The following VPS13A variants were observed in gnomAD, a reference collection of about 807,000 sequenced individuals.
The protein encoded by VPS13A is vacuolar protein sorting 13 homolog A.
VPS13A carries 264 observed loss-of-function variants against 390.9 expected under a neutral mutation model. That is an observed-to-expected ratio of 0.68 (90% CI 0.61 to 0.75). The LOEUF (loss-of-function observed/expected upper bound fraction) is 0.75, where lower values mean the gene tolerates loss of function less well. Ranked by LOEUF, VPS13A falls within the 30% of genes least tolerant of loss-of-function variation. The pLI is 0.00. For missense variants in VPS13A, 3,409 were observed against 3,733.9 expected, an observed-to-expected ratio of 0.91 and a Z score of 2.27; for synonymous variants, 1,231 against 1,227.1, an observed-to-expected ratio of 1.00 and a Z score of -0.07.
rs1348480594 is a variant in VPS13A at position 77,381,959 on chromosome 9, T to C, written c.9078-17T>C. On this transcript the variant is annotated splice_polypyrimidine_tract_variant and intron_variant, in intron 67 of 71. Coordinates refer to ENST00000360280, the MANE Select transcript of VPS13A (RefSeq NM_033305.3). ...TTGAATAATTTTTAAAATAAAGTTA[T>C]ATTTTTTTTCCTCTAGAGCTACAGA... 3 of 1,534,986 alleles carry C rather than the reference T, an allele frequency of 2.0e-6. No individual in the cohort carries two copies. Among genetic ancestry groups the C allele is most frequent in the East Asian group, 4.5e-5 (2 of 43,974 alleles).
At chr9:77,217,789 T>G (rs539677747) in intron 10 of VPS13A, among the ~76,000 whole-genome samples, 1 of 151,772 alleles carries the variant, frequency 6.6e-6, no homozygotes, top group Non-Finnish European at 1.5e-5. Context: ...TTTTCTTTTT[T>G]TTTTTTGGAT....
chr9:77,395,972 A>C (rs1285930497), intron 68 of VPS13A: 1 of 152,226 alleles, frequency 6.6e-6, no homozygotes, highest in Non-Finnish European at 1.5e-5. Context: ...TGAATTATAC[A>C]GTATTTTAAA....
In VPS13A at chr9:77,234,095, T is replaced by C. The variant is rs549819866; in HGVS notation, c.1596-3907T>C. 2.6e-5 allele frequency among the ~76,000 whole-genome samples: 4 copies of C among 152,334 alleles called. No homozygotes were observed. The South Asian group carries it at 8.3e-4, about 32-fold the overall frequency. On this transcript the variant is annotated intron_variant, in intron 17 of 71. Coordinates refer to ENST00000360280, the MANE Select transcript of VPS13A (RefSeq NM_033305.3). The stretch of plus-strand genomic sequence containing the variant: ...TAAATGTTTATAATTGTTGTATCTT[T>C]GATGAATTGAGCCTTTTAATCAAAC...
chr9:77,206,625 T>C (rs887075875), intron 5 of VPS13A, among the ~76,000 whole-genome samples: 1 of 152,130 alleles, frequency 6.6e-6, no homozygotes, highest in African/African-American at 2.4e-5. Flanking sequence ...AGAAATCTAA[T>C]TCCTTTTCAC....
chr9:77,359,189 G>A, intron 57 of VPS13A, 144 bp from the exon 58 acceptor site: 1 of 694,118 alleles, frequency 1.4e-6, no homozygotes, highest in South Asian at 1.8e-5. Context: ...TAAGATTGTA[G>A]TAGATTTTGC....
At chr9:77,288,736 G>T (rs993707323) in intron 31 of VPS13A, among the ~76,000 whole-genome samples, 5 of 152,124 alleles carry the variant, frequency 3.3e-5, no homozygotes, top group Non-Finnish European at 4.4e-5. Flanking sequence ...TATGTGTTTT[G>T]CTGGGTTGAA....
At chr9:77,329,109 T>G (rs943643953) in intron 45 of VPS13A, among the ~76,000 whole-genome samples, 6 of 152,170 alleles carry the variant, frequency 3.9e-5, no homozygotes, top group Non-Finnish European at 7.3e-5. Flanking sequence ...CTCCACCTGG[T>G]TTCTCCCTTG....
intron 24 of VPS13A, among the ~76,000 whole-genome samples, chr9:77,273,724 T>C (rs1826485095): frequency 6.6e-6 from 1 of 152,204 alleles, no homozygotes; most frequent in African/African-American, 2.4e-5. Context: ...AGAAAAAGTA[T>C]GGTACACAAG....
chr9:77,340,182 A>G lies in VPS13A; in HGVS notation c.6779A>G (p.Gln2260Arg). 6.2e-7 allele frequency: 1 copy of G among 1,612,924 alleles called. No homozygotes were observed. ...TTTGGAATATTTTTTTCCTAGGTTC[A>G]ACTTATGGTAACTGATAGTGAGTTG... is the stretch of plus-strand genomic sequence containing the variant. ...PNHFFNNNKV[Q>R]LMVTDSELSN... The change falls in exon 49 of 72, where the codon CAA becomes CGA. Residue 2260 changes from glutamine to arginine, a missense_variant. Physicochemically the swap from Gln to Arg is conservative, Grantham distance 43. Coordinates refer to ENST00000360280, the MANE Select transcript of VPS13A (RefSeq NM_033305.3).
chr9:77,414,246 C>T (rs1429329881), intron 71 of VPS13A, among the ~76,000 whole-genome samples: 1 of 152,140 alleles, frequency 6.6e-6, no homozygotes, highest in Non-Finnish European at 1.5e-5. Context: ...TGGGTATATA[C>T]CCAAAGGATT....
intron 20 of VPS13A, among the ~76,000 whole-genome samples, chr9:77,249,681 T>G (rs1825042170): frequency 6.6e-6 from 1 of 152,172 alleles, no homozygotes; most frequent in African/African-American, 2.4e-5. Flanking sequence ...GAACTAAAAT[T>G]CAGCTATCCT....
chr9:77,216,471 AAG>A (rs1822872322), intron 10 of VPS13A, among the ~76,000 whole-genome samples: 1 of 152,166 alleles, frequency 6.6e-6, no homozygotes, highest in Admixed American at 6.5e-5. Context: ...ATGTAGGTGA[AAG>A]AGAATGGTGT....
intron 22 of VPS13A, among the ~76,000 whole-genome samples, chr9:77,254,905 A>G (rs1445551585): frequency 6.6e-6 from 1 of 152,192 alleles, no homozygotes; most frequent in East Asian, 1.9e-4. Context: ...AACAGATTTA[A>G]GATTTTCCAC....
intron 23 of VPS13A, among the ~76,000 whole-genome samples, chr9:77,261,948 G>A (rs1298678568): frequency 1.3e-5 from 2 of 152,122 alleles, no homozygotes; most frequent in African/African-American, 4.8e-5. Flanking sequence ...TCATTACTGA[G>A]TATTAGCAAA....
At position 77,416,162 on chromosome 9, in the gene VPS13A, A is replaced by T; in HGVS notation, c.*156A>T. The T allele has an allele frequency of 1.2e-6, 1 of 853,696 alleles. No individual in the cohort carries two copies. Among genetic ancestry groups the T allele is most frequent in the South Asian group, 1.6e-5 (1 of 62,338 alleles). The allele number at this position is 853,696 out of a possible 1,614,324, so 52.9% of individuals were successfully genotyped here. On this transcript the variant is annotated 3_prime_UTR_variant, in exon 72 of 72. Coordinates refer to ENST00000360280, the MANE Select transcript of VPS13A (RefSeq NM_033305.3). The stretch of plus-strand genomic sequence containing the variant: ...AACAAACAAAAAAACAAAAACAAAA[A>T]AACAAAACCAGAATCAGGTAAAACA...
chr9:77,304,845 CCTT>C (rs1398354376), intron 34 of VPS13A, among the ~76,000 whole-genome samples: 1 of 152,102 alleles, frequency 6.6e-6, no homozygotes, highest in African/African-American at 2.4e-5. Flanking sequence ...CTTAACAAAT[CCTT>C]CTCCCCACCT....
At chr9:77,257,796 T>TTGCA (rs1825532523) in intron 22 of VPS13A, among the ~76,000 whole-genome samples, 1 of 152,130 alleles carries the variant, frequency 6.6e-6, no homozygotes, top group Non-Finnish European at 1.5e-5. Context: ...TTAGCTTCAA[T>TTGCA]TGCATGCAAA....
chr9:77,210,583 A>G, intron 6 of VPS13A, 33 bp from the exon 7 acceptor site: 1 of 1,607,412 alleles, frequency 6.2e-7, no homozygotes, highest in Non-Finnish European at 8.5e-7. Flanking sequence ...ACTACTAAAA[A>G]TCTGAATAAA....
chr9:77,365,876 G>C (rs1182097510), intron 60 of VPS13A, among the ~76,000 whole-genome samples: 1 of 152,006 alleles, frequency 6.6e-6, no homozygotes, highest in African/African-American at 2.4e-5. Flanking sequence ...TAGTTTTAAA[G>C]TAATTTATAA....
Sources: gnomAD v4.1 joint callset for allele counts (sites outside exome capture counted in the v4.1 genomes callset) on GRCh38, gnomAD v4.1.1 for gene constraint, MANE v1.5 for transcripts, NCBI Gene and HGNC (gene_info 2026-07-23, HGNC 2026-07-21) for gene names.